The following RBFA variants were observed in gnomAD, a reference collection of about 807,000 sequenced individuals.
The protein encoded by RBFA is ribosome binding factor A, also known as putative ribosome-binding factor A, mitochondrial.
Under a neutral mutation model 27.9 loss-of-function variants are expected in RBFA, and 16 were observed. That is an observed-to-expected ratio of 0.57 (90% confidence interval 0.39 to 0.87). RBFA has a LOEUF of 0.87. Among genes scored for constraint, RBFA ranks in the 40% least tolerant of loss-of-function variants. The probability of loss-of-function intolerance (pLI) is 0.00; values close to 1 mark genes in which losing one functional copy is unlikely to be tolerated. For synonymous variants in RBFA, 181 were observed against 181.0 expected (o/e 1.00, Z 0.00); for missense variants, 456 against 432.1 (o/e 1.06, Z -0.49).
intron 5 of RBFA, 126 bp from the exon 6 acceptor site, chr18:80,044,086 G>T (rs914957311): frequency 2.5e-6 from 2 of 802,740 alleles, no homozygotes; most frequent in African/African-American, 3.4e-5. Context: ...AAGAGTCGGT[G>T]GAAGGAATTG....
rs1224636284 is a variant in RBFA, at chr18:80,046,960, G to C, written c.*805G>C. 1 of 152,468 alleles carries C rather than the reference G, an allele frequency of 6.6e-6. No homozygotes were observed. The highest frequency in any genetic ancestry group is 1.5e-5 in the Non-Finnish European group (1 of 68,064). 9.4% of individuals were successfully genotyped at this position (152,468 alleles called of 1,614,324 possible). A position where few individuals can be genotyped will look rare whatever the true frequency, so the allele number is the denominator to read the frequency against. On this transcript the variant is annotated 3_prime_UTR_variant, in exon 7 of 7. Transcript: ENST00000306735. ...CTCCGACGCAAAGATTCGTTTTGCT[G>C]TTTATCAGAAGAGAAAACACAGATT...
rs760881133 is a variant in RBFA at position 80,034,509 on chromosome 18, C to T, written c.14C>T (p.Ala5Val). 1.9e-6 allele frequency: 3 copies of T among 1,568,954 alleles called. No homozygotes were observed. Among genetic ancestry groups the T allele is most frequent in the South Asian group, 1.2e-5 (1 of 86,492 alleles). The change falls in exon 1 of 7, where the codon GCG becomes GTG. Residue 5 changes from alanine (A) to valine (V), a missense_variant. Coordinates refer to ENST00000306735, the MANE Select transcript of RBFA (RefSeq NM_024805.3). MWAA[A>V]GGLWRSRAGL... Reference sequence around the variant, plus strand: ...CGGCGCCGCGCCATGTGGGCTGCGGCGGGCGGGCTGTGGCGCTCCCGCGCG... The same window carrying T: ...CGGCGCCGCGCCATGTGGGCTGCGGTGGGCGGGCTGTGGCGCTCCCGCGCG...
rs772579973 is a variant in RBFA, at chr18:80,042,211, C to G, written c.568C>G (p.Leu190Val). 6.3e-7 allele frequency: 1 copy of G among 1,599,882 alleles called. No homozygotes were observed. The highest frequency in any genetic ancestry group is 1.7e-5 in the Admixed American group (1 of 58,208). ...VFVQDKGNAA[L>V]AELDQLLAVA... ...TGTTCAAGACAAGGGAAATGCAGCT[C>G]TAGCTGAGGTAAGGTTTTCAAAAAA... Residue 190 changes from leucine (L) to valine (V), a missense_variant, in exon 5 of 7, where the codon CTA becomes GTA. Leu to Val is a conservative substitution (Grantham distance 32, BLOSUM62 1). Transcript: ENST00000306735.
At chr18:80,036,453 G>A (rs1568386777) in intron 1 of RBFA, among the ~76,000 whole-genome samples, 1 of 152,138 alleles carries the variant, frequency 6.6e-6, no homozygotes, top group South Asian at 2.1e-4. Flanking sequence ...TAGAATTTAG[G>A]TAAAAATTAT....
At position 80,044,286 on chromosome 18, in the gene RBFA, G is replaced by A; in HGVS notation, c.650+1G>A. On this transcript the variant is annotated splice_donor_variant, in intron 6 of 6. Coordinates refer to ENST00000306735, the MANE Select transcript of RBFA (RefSeq NM_024805.3). LOFTEE classifies it high-confidence loss of function. ...ACAACTTTGTACAAAATGATTTCAGGTGACGCATGTGGACATATGTTTTGA... is the reference window on the plus strand; with the variant it reads ...ACAACTTTGTACAAAATGATTTCAGATGACGCATGTGGACATATGTTTTGA... 1 of 1,613,378 alleles carries A rather than the reference G, an allele frequency of 6.2e-7. No individual in the cohort carries two copies. The highest frequency in any genetic ancestry group is 8.5e-7 in the Non-Finnish European group (1 of 1,179,278).
rs1026870822 is a variant in RBFA at position 80,050,570 on chromosome 18, T to G, written c.*4415T>G. On this transcript the variant is annotated 3_prime_UTR_variant, in exon 7 of 7. Transcript: ENST00000306735. The stretch of plus-strand genomic sequence containing the variant: ...GACTATAGTCACCCTTCTGTGCTGC[T>G]GCTCTACTGTGGCCTCAAAGATCAT... Among the ~76,000 whole-genome samples the G allele has an allele frequency of 2.6e-5, 4 of 152,258 alleles. No homozygotes were observed. Among genetic ancestry groups the G allele is most frequent in the Non-Finnish European group, 5.9e-5 (4 of 68,042 alleles).
At chr18:80,037,136 T>C (rs1423759583) in intron 2 of RBFA, 194 bp from the exon 3 acceptor site, 9 of 503,112 alleles carry the variant, frequency 1.8e-5, no homozygotes, top group Non-Finnish European at 3.2e-5. Flanking sequence ...CTTTTAATCT[T>C]GGAGGGTTAC....
intron 4 of RBFA, 152 bp from the exon 5 acceptor site, chr18:80,041,983 C>T: frequency 3.0e-6 from 1 of 338,094 alleles, no homozygotes; most frequent in Non-Finnish European, 5.4e-6. Context: ...GCCTCGGCCT[C>T]CCAAAGTGCT....
chr18:80,043,415 A>C (rs949862589), intron 5 of RBFA, among the ~76,000 whole-genome samples: 5 of 152,210 alleles, frequency 3.3e-5, no homozygotes, highest in African/African-American at 1.2e-4. Context: ...CGAAGGAGTG[A>C]AGTTATAGTC....
intron 5 of RBFA, among the ~76,000 whole-genome samples, chr18:80,042,758 A>T (rs2052024958): frequency 6.6e-6 from 1 of 151,110 alleles, no homozygotes; most frequent in South Asian, 2.1e-4. Flanking sequence ...AGAGTGAGAG[A>T]CTCCGTGTCA....
At chr18:80,041,064 G>A (rs2052012780) in intron 4 of RBFA, among the ~76,000 whole-genome samples, 1 of 152,178 alleles carries the variant, frequency 6.6e-6, no homozygotes, top group Non-Finnish European at 1.5e-5. Flanking sequence ...TAGAAAAGGT[G>A]GCCGTGTGTG....
intron 5 of RBFA, among the ~76,000 whole-genome samples, chr18:80,042,638 G>A (rs11663699): frequency 0.32 from 48,434 of 151,690 alleles, 8,329 homozygotes; most frequent in South Asian, 0.49. Context: ...AGGTGTGGTG[G>A]CGTGCGCCCG....
intron 5 of RBFA, 131 bp from the exon 6 acceptor site, chr18:80,044,081 T>C: frequency 1.3e-6 from 1 of 773,866 alleles, no homozygotes; most frequent in South Asian, 1.4e-5. Flanking sequence ...TTGGGAAGAG[T>C]CGGTGGAAGG....
intron 6 of RBFA, 125 bp from the exon 7 acceptor site, chr18:80,045,649 G>A (rs1368133349): frequency 8.9e-7 from 1 of 1,123,402 alleles, no homozygotes; most frequent in African/African-American, 1.6e-5. Flanking sequence ...CCCTCAGATA[G>A]ACGTTTGGGA....
chr18:80,049,031 G>A lies in RBFA; in HGVS notation c.*2876G>A, dbSNP rs2052077727. Among the ~76,000 whole-genome samples, 2 of 152,272 alleles carry A rather than the reference G, an allele frequency of 1.3e-5. No homozygotes were observed. Among genetic ancestry groups the A allele is most frequent in the Non-Finnish European group, 2.9e-5 (2 of 68,044 alleles). On this transcript the variant is annotated 3_prime_UTR_variant, in exon 7 of 7. Transcript: ENST00000306735. ...AGCTCAGTGCCTCCTAGAAAGAGGA[G>A]TGTGGGCACGTTTCAGAGAAAACTG...
intron 5 of RBFA, among the ~76,000 whole-genome samples, chr18:80,043,897 G>C (rs528105721): frequency 6.6e-6 from 1 of 152,222 alleles, no homozygotes; most frequent in East Asian, 1.9e-4. Context: ...TTAGAAACCA[G>C]TTAATGGTTA....
intron 5 of RBFA, 129 bp from the exon 6 acceptor site, chr18:80,044,083 G>T: frequency 3.8e-6 from 3 of 783,340 alleles, no homozygotes; most frequent in Non-Finnish European, 4.6e-6. Context: ...GGGAAGAGTC[G>T]GTGGAAGGAA....
chr18:80,037,661 G>A (rs1599765917), intron 3 of RBFA, among the ~76,000 whole-genome samples, 155 bp downstream of exon 3: 1 of 152,178 alleles, frequency 6.6e-6, no homozygotes, highest in Non-Finnish European at 1.5e-5. Context: ...AGGCTGAGGC[G>A]GGCGGATCAC....
rs1599774073 is a variant in RBFA, at chr18:80,048,778, G to A, written c.*2623G>A. ...CCAGGCGCCGGCTCAGTGCCTCCTA[G>A]AAAGAGGAGTGTGGGCACGTTTGCA... On this transcript the variant is annotated 3_prime_UTR_variant, in exon 7 of 7. Coordinates refer to ENST00000306735, the MANE Select transcript of RBFA (RefSeq NM_024805.3). Among the ~76,000 whole-genome samples, 2 of 148,412 alleles carry A rather than the reference G, an allele frequency of 1.3e-5. No individual in the cohort carries two copies. Among genetic ancestry groups the A allele is most frequent in the East Asian group, 3.9e-4 (2 of 5,184 alleles).
Sources: gnomAD v4.1 joint callset for allele counts (sites outside exome capture counted in the v4.1 genomes callset) on GRCh38, gnomAD v4.1.1 for gene constraint, MANE v1.5 for transcripts, NCBI Gene and HGNC (gene_info 2026-07-23, HGNC 2026-07-21) for gene names.